Variants in AGBL1 observed in about 807,000 individuals in gnomAD.
AGBL1 encodes cytosolic carboxypeptidase 4.
Under a neutral mutation model 118.9 loss-of-function variants are expected in AGBL1, and 130 were observed. The ratio of observed to expected loss-of-function variants is 1.09; its 90% CI spans 0.95 to 1.26. AGBL1 has a LOEUF of 1.26. Among genes scored for constraint, AGBL1 ranks in the 50% most tolerant of loss-of-function variants. The probability of loss-of-function intolerance (pLI) is 0.00; values close to 1 mark genes in which losing one functional copy is unlikely to be tolerated. For missense variants in AGBL1, 1,584 were observed against 1,298.1 expected (o/e 1.22, Z -3.38); for synonymous variants, 555 against 478.9 (o/e 1.16, Z -2.08).
At position 86,967,918 on chromosome 15, in the gene AGBL1, G is replaced by T. The variant is rs540406847; in HGVS notation, c.3222-20069G>T. On this transcript the variant is annotated intron_variant, in intron 23 of 24. Transcript: ENST00000441037. The stretch of plus-strand genomic sequence containing the variant: ...TTGAATGTATAAATTACCTTGGGCA[G>T]TATGGCCATTTTCACGATATTGATT... 2.0e-5 allele frequency among the ~76,000 whole-genome samples: 3 copies of T among 152,204 alleles called. No homozygotes were observed. In the South Asian group the frequency reaches 6.2e-4, roughly 32 times the overall value.
intron 18 of AGBL1, among the ~76,000 whole-genome samples, chr15:86,512,167 G>GA (rs1567033261): frequency 6.6e-6 from 1 of 152,000 alleles, no homozygotes; most frequent in African/African-American, 2.4e-5. Flanking sequence ...ATGTCTGGTG[G>GA]AAAAAACCAT....
intron 21 of AGBL1, among the ~76,000 whole-genome samples, chr15:86,662,093 A>G (rs1485843915): frequency 1.4e-5 from 2 of 146,092 alleles, no homozygotes; most frequent in Non-Finnish European, 3.1e-5. Flanking sequence ...TCAAATGACC[A>G]TGTAAAATTG....
intron 22 of AGBL1, among the ~76,000 whole-genome samples, chr15:86,720,235 C>T (rs2086696943): frequency 1.3e-5 from 2 of 152,142 alleles, no homozygotes; most frequent in Admixed American, 6.5e-5. Context: ...TTCTCCACCT[C>T]CTAACCTTGC....
At chr15:86,689,567 A>G (rs2086125735) in intron 22 of AGBL1, among the ~76,000 whole-genome samples, 1 of 152,138 alleles carries the variant, frequency 6.6e-6, no homozygotes, top group South Asian at 2.1e-4. Context: ...GTATAATTCC[A>G]TGCAATTGTT....
Position 86,914,380 on chromosome 15 carries a change from C to T in AGBL1, c.*7086C>T, listed in dbSNP as rs1161877586. 1 of 152,094 alleles carries T rather than the reference C, an allele frequency of 6.6e-6. No homozygotes were observed. The highest frequency in any genetic ancestry group is 2.4e-5 in the African/African-American group (1 of 41,428). 9.4% of individuals were successfully genotyped at this position (152,094 alleles called of 1,614,324 possible). A position where few individuals can be genotyped will look rare whatever the true frequency, so the allele number is the denominator to read the frequency against. Reference sequence around the variant, plus strand: ...GTACCAGCTCTGTGGGATAAATGGACATTATGATTGCCATTTTAAAAATGA... The same window carrying T: ...GTACCAGCTCTGTGGGATAAATGGATATTATGATTGCCATTTTAAAAATGA... On this transcript the variant is annotated 3_prime_UTR_variant, in exon 23 of 23. Coordinates refer to ENST00000614907, the MANE Select transcript of AGBL1 (RefSeq NM_001386094.1).
chr15:86,685,438 A>T (rs1049659737), intron 22 of AGBL1, among the ~76,000 whole-genome samples: 2 of 152,136 alleles, frequency 1.3e-5, no homozygotes, highest in African/African-American at 2.4e-5. Flanking sequence ...ATGGAAACTA[A>T]ATTAGAGTCA....
intron 21 of AGBL1, among the ~76,000 whole-genome samples, chr15:86,656,687 C>G (rs1184014966): frequency 2.0e-5 from 3 of 152,160 alleles, no homozygotes; most frequent in Non-Finnish European, 2.9e-5. Context: ...TTGAAGATCT[C>G]TCCCTTTTCC....
intron 17 of AGBL1, among the ~76,000 whole-genome samples, chr15:86,338,859 G>A (rs1258711559): frequency 6.6e-6 from 1 of 152,124 alleles, no homozygotes; most frequent in African/African-American, 2.4e-5. Context: ...ATGCTAGGAG[G>A]ACAGCACTCA....
At chr15:86,860,906 C>A (rs980849187) in intron 22 of AGBL1, among the ~76,000 whole-genome samples, 1 of 152,014 alleles carries the variant, frequency 6.6e-6, no homozygotes, top group African/African-American at 2.4e-5. Context: ...TTTTGTTTAC[C>A]TACCCCTTGG....
intron 22 of AGBL1, among the ~76,000 whole-genome samples, chr15:86,728,205 G>A (rs986609177): frequency 5.3e-5 from 8 of 152,174 alleles, no homozygotes; most frequent in Admixed American, 1.3e-4. Flanking sequence ...CTAAGTAACC[G>A]TACCACAGTT....
chr15:86,774,902 T>C (rs541976645), intron 22 of AGBL1, among the ~76,000 whole-genome samples: 1 of 152,170 alleles, frequency 6.6e-6, no homozygotes, highest in East Asian at 1.9e-4. Flanking sequence ...TAAAATGCCA[T>C]GCTAAGGAGT....
chr15:86,100,731 T>C (rs887283165), intron 1 of AGBL1, among the ~76,000 whole-genome samples: 6 of 152,066 alleles, frequency 3.9e-5, no homozygotes, highest in African/African-American at 1.2e-4. Flanking sequence ...TGTTGTTGTT[T>C]CTGATTTTGT....
At chr15:86,445,530 T>A (rs2082110644) in intron 18 of AGBL1, among the ~76,000 whole-genome samples, 1 of 152,156 alleles carries the variant, frequency 6.6e-6, no homozygotes, top group South Asian at 2.1e-4. Context: ...GAGCACTCCT[T>A]GTTGTTAAGT....
chr15:86,955,182 T>C (rs533146090), intron 23 of AGBL1, among the ~76,000 whole-genome samples: 1 of 152,060 alleles, frequency 6.6e-6, no homozygotes, highest in Non-Finnish European at 1.5e-5. Flanking sequence ...CCAGTACAAA[T>C]TTACTAAAAA....
In AGBL1 at chr15:86,722,237, C is replaced by G. The variant is rs867056689; in HGVS notation, c.3158+47801C>G. Among the ~76,000 whole-genome samples, 11 of 152,284 alleles carry G rather than the reference C, an allele frequency of 7.2e-5. No individual in the cohort carries two copies. In the South Asian group the frequency reaches 8.3e-4, roughly 11 times the overall value. ...CAAAAGAACGAAGCTGGAGGCATCA[C>G]GCTACCTGACTTCAAACTCTACTAC... is the stretch of plus-strand genomic sequence containing the variant. On this transcript the variant is annotated intron_variant, in intron 22 of 22. Transcript: ENST00000614907.
chr15:86,178,645 T>C (rs1176012081), intron 5 of AGBL1, among the ~76,000 whole-genome samples: 1 of 152,220 alleles, frequency 6.6e-6, no homozygotes, highest in Non-Finnish European at 1.5e-5. Context: ...TGGCGAATTC[T>C]ACCAAACATT....
At chr15:86,404,081 C>T (rs754135480) in intron 18 of AGBL1, among the ~76,000 whole-genome samples, 5 of 152,130 alleles carry the variant, frequency 3.3e-5, no homozygotes, top group African/African-American at 4.8e-5. Flanking sequence ...TCTTCCCAAC[C>T]TTGGATAGAG....
chr15:86,906,295 C>T lies in AGBL1; in HGVS notation c.3159-792C>T, dbSNP rs1272179892. ...TACAGCTCCTTGGGAGGAAACTCCC[C>T]CTGCTCACAATATGCTGTAAAGTTT... On this transcript the variant is annotated intron_variant, in intron 22 of 22. Transcript: ENST00000614907. Among the ~76,000 whole-genome samples the T allele has an allele frequency of 5.3e-5, 8 of 152,226 alleles. No individual in the cohort carries two copies. The East Asian group carries it at 9.6e-4, about 18-fold the overall frequency.
At chr15:86,106,515 T>C (rs1214158885) in intron 1 of AGBL1, among the ~76,000 whole-genome samples, 1 of 152,254 alleles carries the variant, frequency 6.6e-6, no homozygotes, top group African/African-American at 2.4e-5. Flanking sequence ...TGTTTGGCAA[T>C]GTCTAGAGAC....
Sources: allele counts gnomAD v4.1 joint callset (sites outside exome capture counted in the v4.1 genomes callset), GRCh38; gene constraint gnomAD v4.1.1; transcripts MANE v1.5; gene names NCBI Gene and HGNC (gene_info 2026-07-23, HGNC 2026-07-21).